Variants in SORL1 observed in about 807,000 individuals in gnomAD.
SORL1 encodes sortilin-related receptor.
SORL1 carries 127 observed loss-of-function variants against 273.7 expected under a neutral mutation model. The ratio of observed to expected loss-of-function variants is 0.46; its 90% CI spans 0.40 to 0.54. The LOEUF is 0.54. Among genes scored for constraint, SORL1 ranks in the 20% least tolerant of loss-of-function variants. The pLI is 0.00. For missense variants in SORL1, 2,494 were observed against 2,846.1 expected, an observed-to-expected ratio of 0.88 and a Z score of 2.81; for synonymous variants, 1,031 against 1,067.4, an observed-to-expected ratio of 0.97 and a Z score of 0.66.
rs369010615 is a variant in SORL1 at position 121,627,605 on chromosome 11, G to C, written c.6415G>C (p.Val2139Leu). 1.2e-6 allele frequency: 2 copies of C among 1,614,222 alleles called. No individual in the cohort carries two copies. The highest frequency in any genetic ancestry group is 1.7e-5 in the Admixed American group (1 of 60,030). Residue 2139 changes from valine to leucine, a missense_variant, in exon 47 of 48, where the codon GTG (valine) becomes CTG (leucine). Physicochemically the swap from Val to Leu is conservative, Grantham distance 32. Transcript: ENST00000260197. The surrounding 1 kb of genome is among the most constrained non-coding windows in gnomAD (Gnocchi z 4.9). ...TGCCAGATCTACGGATGTTGCTGCTGTGGTGGTGCCCATCTTATTCCTGAT... is the reference window on the plus strand; with the variant it reads ...TGCCAGATCTACGGATGTTGCTGCTCTGGTGGTGCCCATCTTATTCCTGAT... Reference protein sequence around the residue: ...QAARSTDVAAVVVPILFLILL... With the variant: ...QAARSTDVAALVVPILFLILL...
At chr11:121,466,455 TC>T in intron 1 of SORL1, among the ~76,000 whole-genome samples, 1 of 152,212 alleles carries the variant, frequency 6.6e-6, no homozygotes, top group South Asian at 2.1e-4. Context: ...TGTGGGTTGT[TC>T]TTGATTGCTG....
chr11:121,523,714 T>C (rs1862076897), intron 11 of SORL1, among the ~76,000 whole-genome samples: 1 of 152,070 alleles, frequency 6.6e-6, no homozygotes. Context: ...GACCCTCTAG[T>C]TATGCCAGGA....
At chr11:121,592,215 C>T (rs12808875) in intron 31 of SORL1, among the ~76,000 whole-genome samples, 4,070 of 152,334 alleles carry the variant, frequency 0.027, 71 homozygotes, top group Non-Finnish European at 0.043. Flanking sequence ...TTCCTACTTT[C>T]CTTATCACTG....
intron 25 of SORL1, among the ~76,000 whole-genome samples, chr11:121,579,428 G>C (rs919531617): frequency 3.3e-5 from 5 of 152,206 alleles, no homozygotes; most frequent in Admixed American, 6.5e-5. Flanking sequence ...GCTTGGATGC[G>C]CACTCTGCTG....
chr11:121,530,482 C>T (rs770195679), intron 11 of SORL1, among the ~76,000 whole-genome samples: 11 of 152,058 alleles, frequency 7.2e-5, no homozygotes, highest in Admixed American at 2.6e-4. Flanking sequence ...TTCTTGTTTC[C>T]GTGGGTTCTG....
Position 121,550,624 on chromosome 11 carries a change from T to A in SORL1, c.2220T>A (p.Asp740Glu), listed in dbSNP as rs1430727731. 3 of 1,613,962 alleles carry A rather than the reference T, an allele frequency of 1.9e-6. No homozygotes were observed. The highest frequency in any genetic ancestry group is 1.3e-5 in the African/African-American group (1 of 74,904). The part of the protein sequence containing the change: ...KISGDTCSGG[D>E]VEARLEGELV... ...CTGGGGACACTTGTAGCGGAGGAGA[T>A]GTTGAAGCGCGACTGGAAGGAGAGC... The change falls in exon 16 of 48, where the codon GAT (aspartate) becomes GAA (glutamate). Residue 740 changes from aspartate to glutamate, a missense_variant. Physicochemically the swap from Asp to Glu is conservative, Grantham distance 45. Around this residue, in one of 3 missense-constraint regions of SORL1, gnomAD observed 710 missense variants for 882.5 expected, o/e 0.80. Coordinates refer to ENST00000260197, the MANE Select transcript of SORL1 (RefSeq NM_003105.6). This position sits in a 1 kb window ranked among gnomAD's most constrained non-coding sequence, Gnocchi z 5.3.
In SORL1 at chr11:121,557,449, A is replaced by G. The variant is rs770045445; in HGVS notation, c.2663+44A>G. On this transcript the variant is annotated intron_variant, in intron 19 of 47. Transcript: ENST00000260197. Reference sequence around the variant, plus strand: ...GGAAATCAGTCTTGCGTCCAATGCTACACTAATAGATTCTCATGGAAACAC... The same window carrying G: ...GGAAATCAGTCTTGCGTCCAATGCTGCACTAATAGATTCTCATGGAAACAC... 5 of 1,340,994 alleles carry G rather than the reference A, an allele frequency of 3.7e-6. No homozygotes were observed. The Admixed American group carries it at 8.4e-5, about 23-fold the overall frequency. 83.1% of individuals were successfully genotyped at this position (1,340,994 alleles called of 1,614,324 possible). A position where few individuals can be genotyped will look rare whatever the true frequency, so the allele number is the denominator to read the frequency against.
intron 21 of SORL1, among the ~76,000 whole-genome samples, chr11:121,562,252 A>G (rs1862688286): frequency 1.3e-5 from 2 of 152,068 alleles, no homozygotes. Flanking sequence ...TCCTTATTTT[A>G]AAACAGGTGA....
chr11:121,493,948 T>G (rs1861592503), intron 5 of SORL1, among the ~76,000 whole-genome samples: 1 of 152,196 alleles, frequency 6.6e-6, no homozygotes, highest in Admixed American at 6.5e-5. Context: ...ACCCTTTTGT[T>G]ATTTTCCTTG....
At position 121,545,278 on chromosome 11, in the gene SORL1, T is replaced by A. The variant is rs752421872; in HGVS notation, c.1900T>A (p.Ser634Thr). 4.3e-6 allele frequency: 7 copies of A among 1,614,154 alleles called. No individual in the cohort carries two copies. In the Admixed American group the frequency reaches 1.0e-4, roughly 23 times the overall value. ...CACAGAGAATGACTACAAGCTGTGG[T>A]CACCATCTGATGAGCGGGGGAATGA... ...PCTENDYKLWSPSDERGNECL... is the reference protein window; with the variant it reads ...PCTENDYKLWTPSDERGNECL... Residue 634 changes from serine (S) to threonine (T), a missense_variant, in exon 14 of 48, where the codon TCA (serine) becomes ACA (threonine). Ser to Thr is a moderately conservative substitution (Grantham distance 58). Coordinates refer to ENST00000260197, the MANE Select transcript of SORL1 (RefSeq NM_003105.6).
At chr11:121,490,192 C>T in intron 5 of SORL1, 82 bp downstream of exon 5, 2 of 924,424 alleles carry the variant, frequency 2.2e-6, no homozygotes, top group South Asian at 1.3e-5. Flanking sequence ...ACAAACTGCC[C>T]TCCCCTGAAA....
Position 121,506,092 on chromosome 11 carries a change from A to G in SORL1, c.940-6911A>G, listed in dbSNP as rs551878898. On this transcript the variant is annotated intron_variant, in intron 6 of 47. Coordinates refer to ENST00000260197, the MANE Select transcript of SORL1 (RefSeq NM_003105.6). ...TCTTGATTATTTATTTCTCCCTTCA[A>G]TTCTGTCAGTTTTCCCTCATGTGCT... Among the ~76,000 whole-genome samples, 11 of 152,158 alleles carry G rather than the reference A, an allele frequency of 7.2e-5. No individual in the cohort carries two copies. In the South Asian group the frequency reaches 2.3e-3, roughly 32 times the overall value.
chr11:121,465,763 G>A (rs954217423), intron 1 of SORL1, among the ~76,000 whole-genome samples: 4 of 152,178 alleles, frequency 2.6e-5, no homozygotes, highest in African/African-American at 9.7e-5. Flanking sequence ...TCCTGACCTC[G>A]TGATCTGCCT....
At chr11:121,607,135 G>A (rs1265291079) in intron 36 of SORL1, 51 bp from the exon 37 acceptor site, 11 of 1,207,908 alleles carry the variant, frequency 9.1e-6, no homozygotes, top group Non-Finnish European at 1.4e-5. Context: ...ATATTAGGAT[G>A]CCCTGGACCT....
intron 32 of SORL1, among the ~76,000 whole-genome samples, chr11:121,598,010 G>GA (rs1263875993): frequency 2.0e-5 from 3 of 152,168 alleles, no homozygotes; most frequent in African/African-American, 7.2e-5. Flanking sequence ...AGAGGCATAA[G>GA]AAAACAGACC....
intron 5 of SORL1, among the ~76,000 whole-genome samples, chr11:121,494,701 C>T (rs377494408): frequency 2.6e-5 from 4 of 152,000 alleles, no homozygotes; most frequent in East Asian, 1.9e-4. Context: ...ATATGGATTA[C>T]GGAAGAAAAT....
rs773571389 is a variant in SORL1 at position 121,554,079 on chromosome 11, T to C, written c.2409T>C (p.Tyr803=). ...LDFDYEHNCL[Y]WSDLALDVIQ... is the part of the protein sequence containing the mutation. ...TTGACTATGAGCACAACTGTTTGTA[T>C]TGGTCCGACCTGGCCTTGGACGTCA... is the stretch of plus-strand genomic sequence containing the variant. The change falls in exon 17 of 48, where the codon TAT becomes TAC. Residue 803 remains tyrosine (Y), a synonymous_variant. Coordinates refer to ENST00000260197, the MANE Select transcript of SORL1 (RefSeq NM_003105.6). The surrounding 1 kb of genome is among the most constrained non-coding windows in gnomAD (Gnocchi z 4.6). The C allele has an allele frequency of 3.1e-5, 50 of 1,614,150 alleles. No individual in the cohort carries two copies. In the East Asian group the frequency reaches 7.8e-4, roughly 25 times the overall value.
chr11:121,525,974 G>A (rs1862115369), intron 11 of SORL1, among the ~76,000 whole-genome samples: 2 of 152,198 alleles, frequency 1.3e-5, no homozygotes, highest in Admixed American at 6.5e-5. Flanking sequence ...GGTGTAGTGA[G>A]CTGTGATTGT....
chr11:121,497,094 T>G (rs534900168), intron 6 of SORL1, 45 bp downstream of exon 6: 1 of 1,549,404 alleles, frequency 6.5e-7, no homozygotes, highest in African/African-American at 1.4e-5. Flanking sequence ...GAGTTTCCTT[T>G]GTGAAGTTTG....
Sources: allele counts gnomAD v4.1 joint callset (sites outside exome capture counted in the v4.1 genomes callset), GRCh38; gene constraint gnomAD v4.1.1; regional missense constraint gnomAD v4.1.1; non-coding constraint Gnocchi (gnomAD v3.1); transcripts MANE v1.5; gene names NCBI Gene and HGNC (gene_info 2026-07-23, HGNC 2026-07-21).